The following NEBL variants were observed in gnomAD, a reference collection of about 807,000 sequenced individuals.
NEBL encodes the protein LIM and SH3 protein 2.
In NEBL, 122 loss-of-function variants were observed where a neutral mutation model predicts 140.2. That is an observed-to-expected ratio of 0.87 (90% CI 0.75 to 1.01). The LOEUF (loss-of-function observed/expected upper bound fraction) is 1.01. NEBL is among the 50% of genes least tolerant of loss of function. NEBL has a pLI of 0.00. For missense variants in NEBL, 1,365 were observed against 1,231.3 expected, an observed-to-expected ratio of 1.11 and a Z score of -1.62; for synonymous variants, 436 against 398.9, an observed-to-expected ratio of 1.09 and a Z score of -1.11.
intron 1 of NEBL, among the ~76,000 whole-genome samples, chr10:21,272,153 G>C (rs1408698069): frequency 9.6e-6 from 1 of 104,580 alleles, no homozygotes; most frequent in Non-Finnish European, 1.8e-5. Flanking sequence ...TTTTAGTAGA[G>C]ACGGGGTTTC....
At chr10:21,169,505 G>A (rs1451265207) in intron 2 of NEBL, among the ~76,000 whole-genome samples, 1 of 152,096 alleles carries the variant, frequency 6.6e-6, no homozygotes, top group Non-Finnish European at 1.5e-5. Flanking sequence ...GATCCCCAGA[G>A]GGCAATCCAT....
intron 2 of NEBL, among the ~76,000 whole-genome samples, chr10:21,163,631 T>A (rs1301942653): frequency 2.6e-5 from 4 of 152,242 alleles, no homozygotes; most frequent in Admixed American, 2.6e-4. Flanking sequence ...AAGTTCTCTG[T>A]GTTTGGTTGC....
At position 21,039,127 on chromosome 10, in the gene NEBL, C is replaced by T. The variant is rs927129639; in HGVS notation, c.165-18926G>A. On this transcript the variant is annotated intron_variant, in intron 2 of 6. Transcript: ENST00000417816. ...TCCCTTGTAGATTCTGGATATTAGA[C>T]CTTTGTCCAATGGGTTACTTGCATA... 7.1e-5 allele frequency among the ~76,000 whole-genome samples: 8 copies of T among 113,352 alleles called. No individual in the cohort carries two copies. The Admixed American group carries it at 8.3e-4, about 12-fold the overall frequency. The allele number at this position is 113,352 out of a possible 152,430, so 74.4% of individuals were successfully genotyped here. A position where few individuals can be genotyped will look rare whatever the true frequency, so the allele number is the denominator to read the frequency against.
chr10:20,892,927 C>G (rs1044293908), intron 2 of NEBL, among the ~76,000 whole-genome samples: 1 of 152,224 alleles, frequency 6.6e-6, no homozygotes, highest in Non-Finnish European at 1.5e-5. Context: ...TTTAACTGGG[C>G]TGGACATAGC....
chr10:20,886,360 T>TAA (rs1018434684), intron 4 of NEBL, among the ~76,000 whole-genome samples: 1 of 145,350 alleles, frequency 6.9e-6, no homozygotes, highest in Non-Finnish European at 1.5e-5. Context: ...CCGTCTCTAC[T>TAA]AAAAAAAAAA....
chr10:21,267,379 G>T (rs1197259071), intron 1 of NEBL, among the ~76,000 whole-genome samples: 2 of 152,222 alleles, frequency 1.3e-5, no homozygotes, highest in African/African-American at 4.8e-5. Context: ...CTCCCAAAGT[G>T]CTGGGATTAC....
intron 3 of NEBL, among the ~76,000 whole-genome samples, chr10:21,232,632 C>T (rs547442090): frequency 1.2e-4 from 19 of 152,238 alleles, no homozygotes; most frequent in Admixed American, 4.6e-4. Flanking sequence ...ATAGGGTTTG[C>T]GCTTCTATGA....
At chr10:21,257,553 GT>G (rs1224195394) in intron 1 of NEBL, among the ~76,000 whole-genome samples, 1 of 152,188 alleles carries the variant, frequency 6.6e-6, no homozygotes, top group Non-Finnish European at 1.5e-5. Flanking sequence ...TTAAGTCCTG[GT>G]CTGTTTTCAC....
chr10:20,794,615 A>G (rs1836327411), intron 26 of NEBL, among the ~76,000 whole-genome samples: 1 of 152,232 alleles, frequency 6.6e-6, no homozygotes, highest in Non-Finnish European at 1.5e-5. Context: ...AGAAAATGCA[A>G]CCTACATAAA....
intron 3 of NEBL, among the ~76,000 whole-genome samples, chr10:21,199,647 G>T (rs1384781550): frequency 6.6e-6 from 1 of 152,168 alleles, no homozygotes; most frequent in East Asian, 1.9e-4. Flanking sequence ...CAATGCATGG[G>T]TGGCCACCCA....
chr10:20,947,674 T>G (rs1564457192), intron 4 of NEBL, among the ~76,000 whole-genome samples: 1 of 133,828 alleles, frequency 7.5e-6, no homozygotes, highest in East Asian at 2.1e-4. Flanking sequence ...ACATTTTTAC[T>G]GAGAAATCAC....
rs190030351 is a variant in NEBL, at chr10:20,938,891, A to G, written c.357+22781T>C. On this transcript the variant is annotated intron_variant, in intron 4 of 6. Coordinates refer to the NEBL transcript ENST00000417816. ...AGCAAGAAGAGAAGTTTAGAGAAAA[A>G]AGAATAAAAAGAAATGAACAAAACC... 1.0e-3 allele frequency among the ~76,000 whole-genome samples: 153 copies of G among 152,318 alleles called. 1 individual carries two copies. Among genetic ancestry groups the G allele is most frequent in the Non-Finnish European group, 1.5e-3 (101 of 68,032 alleles).
chr10:21,197,694 T>A (rs1460244991), intron 3 of NEBL, among the ~76,000 whole-genome samples: 2 of 152,348 alleles, frequency 1.3e-5, no homozygotes, highest in East Asian at 1.9e-4. Context: ...CCCTAGATTA[T>A]GGTTTCCCTT....
chr10:20,953,170 T>C (rs1314563348), intron 4 of NEBL, among the ~76,000 whole-genome samples: 3 of 152,094 alleles, frequency 2.0e-5, no homozygotes, highest in African/African-American at 7.2e-5. Flanking sequence ...TGTGACTGTA[T>C]TTGGAGAGGG....
chr10:21,044,943 T>A (rs2131839553), intron 2 of NEBL, among the ~76,000 whole-genome samples: 1 of 152,276 alleles, frequency 6.6e-6, no homozygotes, highest in East Asian at 1.9e-4. Flanking sequence ...ACTGAAAGAA[T>A]GATACAACAA....
At chr10:21,001,267 A>C (rs973234034) in intron 3 of NEBL, among the ~76,000 whole-genome samples, 14 of 152,188 alleles carry the variant, frequency 9.2e-5, no homozygotes, top group Non-Finnish European at 1.5e-4. Flanking sequence ...ACCTAGTGCT[A>C]GAGGAAAATC....
At chr10:20,936,294 C>T (rs753197351) in intron 4 of NEBL, among the ~76,000 whole-genome samples, 58 of 152,128 alleles carry the variant, frequency 3.8e-4, no homozygotes, top group Non-Finnish European at 6.9e-4. Flanking sequence ...AACAGAATCA[C>T]TTTATTACTC....
At chr10:21,253,206 G>A (rs939288943) in intron 1 of NEBL, among the ~76,000 whole-genome samples, 2 of 152,208 alleles carry the variant, frequency 1.3e-5, no homozygotes, top group Non-Finnish European at 2.9e-5. Flanking sequence ...GGGAGGCGAA[G>A]GTTGCAGTGA....
chr10:20,806,017 G>T (rs774468823), intron 26 of NEBL, among the ~76,000 whole-genome samples: 1 of 152,034 alleles, frequency 6.6e-6, no homozygotes, highest in Non-Finnish European at 1.5e-5. Context: ...TCAAATTCTA[G>T]TATAAATGCA....
Sources: allele counts gnomAD v4.1 joint callset (sites outside exome capture counted in the v4.1 genomes callset), GRCh38; gene constraint gnomAD v4.1.1; transcripts MANE v1.5; gene names NCBI Gene and HGNC (gene_info 2026-07-23, HGNC 2026-07-21).